Variants in TBC1D22A observed in about 807,000 individuals in gnomAD.
TBC1D22A encodes TBC1 domain family member 22A.
TBC1D22A carries 38 observed loss-of-function variants against 60.2 expected under a neutral mutation model. The observed-to-expected ratio is 0.63, with a 90% confidence interval of 0.49 to 0.83. The LOEUF is 0.83. TBC1D22A is among the 40% of genes least tolerant of loss of function. TBC1D22A has a pLI of 0.00. For missense variants in TBC1D22A, 628 were observed against 701.0 expected, an observed-to-expected ratio of 0.90 and a Z score of 1.18; for synonymous variants, 302 against 281.7, an observed-to-expected ratio of 1.07 and a Z score of -0.72.
At chr22:46,962,676 G>A (rs921098878) in intron 8 of TBC1D22A, among the ~76,000 whole-genome samples, 1 of 152,168 alleles carries the variant, frequency 6.6e-6, no homozygotes, top group Non-Finnish European at 1.5e-5. Flanking sequence ...AGCATCCTGA[G>A]GGATGGCTTC....
intron 4 of TBC1D22A, among the ~76,000 whole-genome samples, chr22:46,819,513 G>T (rs1181968322): frequency 6.6e-6 from 1 of 152,134 alleles, no homozygotes; most frequent in Admixed American, 6.5e-5. Flanking sequence ...TTTTGTCATT[G>T]GTTCTGTTTA....
At chr22:46,986,224 G>A (rs545113386) in intron 9 of TBC1D22A, among the ~76,000 whole-genome samples, 237 of 152,186 alleles carry the variant, frequency 1.6e-3, no homozygotes, top group African/African-American at 4.1e-3. Context: ...TGTCTGTTTC[G>A]GGACACACTG....
At position 47,002,913 on chromosome 22, in the gene TBC1D22A, T is replaced by C. The variant is rs761501835; in HGVS notation, c.1201+5204T>C. On this transcript the variant is annotated intron_variant, in intron 10 of 12. Transcript: ENST00000337137. ...GCAAGGAGCAGCAGCCCAGAGGCCT[T>C]CCCAGCAACAGCATCGAAGCTGTCG... Among the ~76,000 whole-genome samples the C allele has an allele frequency of 5.3e-5, 8 of 152,268 alleles. No homozygotes were observed. In the East Asian group the frequency reaches 1.5e-3, roughly 29 times the overall value.
intron 4 of TBC1D22A, among the ~76,000 whole-genome samples, chr22:46,871,780 TAGA>T (rs960676837): frequency 1.3e-5 from 2 of 152,004 alleles, no homozygotes; most frequent in African/African-American, 4.8e-5. Context: ...TTTAAGAAAC[TAGA>T]AGAAGAACAA....
intron 11 of TBC1D22A, among the ~76,000 whole-genome samples, chr22:47,043,405 G>T (rs145501149): frequency 9.7e-4 from 148 of 152,332 alleles, no homozygotes; most frequent in African/African-American, 3.5e-3. Flanking sequence ...GAGAGGCTCA[G>T]CACACCTGCA....
chr22:46,971,874 A>C (rs1407083224), intron 8 of TBC1D22A, among the ~76,000 whole-genome samples: 2 of 152,222 alleles, frequency 1.3e-5, no homozygotes, highest in Non-Finnish European at 2.9e-5. Flanking sequence ...CTCCTGCGCC[A>C]GCAGAGTTTT....
At chr22:46,864,808 C>T (rs1345181376) in intron 4 of TBC1D22A, among the ~76,000 whole-genome samples, 1 of 152,142 alleles carries the variant, frequency 6.6e-6, no homozygotes, top group Non-Finnish European at 1.5e-5. Context: ...TGGATTGATT[C>T]CCACCTCTGT....
intron 11 of TBC1D22A, among the ~76,000 whole-genome samples, chr22:47,076,347 A>G (rs2064211892): frequency 7.8e-6 from 1 of 127,514 alleles, no homozygotes; most frequent in Non-Finnish European, 1.6e-5. Context: ...GTGTGTATAT[A>G]TATATATGTG....
chr22:46,957,703 C>T (rs2073278588), intron 8 of TBC1D22A, among the ~76,000 whole-genome samples: 2 of 152,220 alleles, frequency 1.3e-5, no homozygotes, highest in Admixed American at 1.3e-4. Flanking sequence ...GCCAGCTAAG[C>T]TGAGTGGGGC....
intron 4 of TBC1D22A, among the ~76,000 whole-genome samples, chr22:46,830,713 C>G (rs1423606226): frequency 2.6e-5 from 4 of 152,170 alleles, no homozygotes; most frequent in Middle Eastern, 3.2e-3. Context: ...GGCTGCTACT[C>G]AGAGCACTTG....
Position 46,776,674 on chromosome 22 carries a change from A to C in TBC1D22A, c.62+13826A>C, listed in dbSNP as rs548010996. 1.1e-3 allele frequency among the ~76,000 whole-genome samples: 172 copies of C among 152,142 alleles called. 1 individual carries two copies. The highest frequency in any genetic ancestry group is 4.0e-3 in the African/African-American group (168 of 41,488). On this transcript the variant is annotated intron_variant, in intron 1 of 12. Transcript: ENST00000337137. ...GAGGCCAGCCAGGATGTCGGGTGAGAACCATGGCCGTGGGGAGGAGAGAGA... is the reference window on the plus strand; with the variant it reads ...GAGGCCAGCCAGGATGTCGGGTGAGCACCATGGCCGTGGGGAGGAGAGAGA...
At chr22:46,916,556 GACAT>G (rs955387830) in intron 8 of TBC1D22A, among the ~76,000 whole-genome samples, 1 of 152,184 alleles carries the variant, frequency 6.6e-6, no homozygotes, top group Admixed American at 6.5e-5. Flanking sequence ...CGTGCACGCG[GACAT>G]ACATAACCAT....
chr22:46,864,623 G>C (rs1032264611), intron 4 of TBC1D22A, among the ~76,000 whole-genome samples: 1 of 152,196 alleles, frequency 6.6e-6, no homozygotes, highest in African/African-American at 2.4e-5. Context: ...GTTTTCTCTT[G>C]CCCCCTATTT....
At chr22:46,905,055 T>A (rs1217666200) in intron 7 of TBC1D22A, among the ~76,000 whole-genome samples, 1 of 152,126 alleles carries the variant, frequency 6.6e-6, no homozygotes, top group Non-Finnish European at 1.5e-5. Flanking sequence ...ATTACAGGCG[T>A]GAGCCACCGC....
chr22:47,152,594 A>G (rs2067546862), intron 12 of TBC1D22A, among the ~76,000 whole-genome samples: 1 of 152,182 alleles, frequency 6.6e-6, no homozygotes, highest in African/African-American at 2.4e-5. Context: ...TGTCGCTTCT[A>G]AGTCCCAAAG....
At chr22:47,127,700 A>C (rs1399687117) in intron 12 of TBC1D22A, among the ~76,000 whole-genome samples, 5 of 152,064 alleles carry the variant, frequency 3.3e-5, no homozygotes, top group Non-Finnish European at 7.4e-5. Context: ...CACTGAGAGA[A>C]TGTGAGTGGC....
chr22:46,808,814 T>G (rs1209675885), intron 4 of TBC1D22A, among the ~76,000 whole-genome samples: 2 of 152,232 alleles, frequency 1.3e-5, no homozygotes, highest in Non-Finnish European at 2.9e-5. Flanking sequence ...CAGGATGGTC[T>G]CAATCTCCTG....
In TBC1D22A at chr22:47,111,497, TTC is replaced by T; in HGVS notation, c.1330-7_1330-6del. 1 of 1,609,822 alleles carries T rather than the reference TTC, an allele frequency of 6.2e-7. No homozygotes were observed. The highest frequency in any genetic ancestry group is 8.5e-7 in the Non-Finnish European group (1 of 1,178,804). On this transcript the variant is annotated splice_polypyrimidine_tract_variant and intron_variant, in intron 11 of 12. Transcript: ENST00000337137. Reference sequence around the variant, plus strand: ...TTACAATTTCTCTCTTGGTTATTTTTTCTCTTTTAGTCTGAACCGGACGGCTT... The same window carrying T: ...TTACAATTTCTCTCTTGGTTATTTTTTCTTTTAGTCTGAACCGGACGGCTT...
chr22:47,092,724 A>G (rs931934353), intron 11 of TBC1D22A, among the ~76,000 whole-genome samples: 2 of 152,196 alleles, frequency 1.3e-5, no homozygotes, highest in African/African-American at 4.8e-5. Context: ...ATGCTCTTTT[A>G]GCTAAGTTCA....
Sources: gnomAD v4.1 joint callset for allele counts (sites outside exome capture counted in the v4.1 genomes callset) on GRCh38, gnomAD v4.1.1 for gene constraint, MANE v1.5 for transcripts, NCBI Gene and HGNC (gene_info 2026-07-23, HGNC 2026-07-21) for gene names.